SLIT3: variants seen among roughly 807,000 people sequenced by gnomAD.
SLIT3 encodes slit guidance ligand 3, also known as slit homolog 3 protein.
A neutral mutation model predicts 184.0 loss-of-function variants in SLIT3; 68 were observed. The observed-to-expected ratio is 0.37, with a 90% CI of 0.30 to 0.45. The LOEUF (loss-of-function observed/expected upper bound fraction) is 0.45, where lower values mean the gene tolerates loss of function less well. SLIT3 is among the 20% of genes least tolerant of loss of function. SLIT3 has a pLI of 1.00. For missense variants in SLIT3, 1,707 were observed against 2,026.0 expected, an observed-to-expected ratio of 0.84 and a Z score of 3.02; for synonymous variants, 831 against 828.6, an observed-to-expected ratio of 1.00 and a Z score of -0.05.
At chr5:169,062,940 G>A (rs920363069) in intron 4 of SLIT3, among the ~76,000 whole-genome samples, 2 of 152,220 alleles carry the variant, frequency 1.3e-5, no homozygotes, top group Non-Finnish European at 2.9e-5. Context: ...GTGTGTGCAA[G>A]TGTGTATAAA....
At chr5:169,225,357 C>T (rs975627995) in intron 3 of SLIT3, among the ~76,000 whole-genome samples, 8 of 152,352 alleles carry the variant, frequency 5.3e-5, no homozygotes, top group African/African-American at 1.7e-4. Context: ...AGGACAATGG[C>T]AGGGGCAACA....
At chr5:168,815,173 G>A (rs536653725) in intron 8 of SLIT3, among the ~76,000 whole-genome samples, 61 of 152,352 alleles carry the variant, frequency 4.0e-4, no homozygotes, top group African/African-American at 1.5e-3. Context: ...AACAGAAGTT[G>A]ATAAAGGTGC....
intron 18 of SLIT3, among the ~76,000 whole-genome samples, chr5:168,751,247 A>G (rs1489018423): frequency 6.6e-6 from 1 of 152,196 alleles, no homozygotes; most frequent in East Asian, 1.9e-4. Context: ...TTCCAAGTGC[A>G]GTAGGCATAG....
chr5:169,208,990 A>G (rs956189955), intron 3 of SLIT3, among the ~76,000 whole-genome samples: 2 of 152,244 alleles, frequency 1.3e-5, no homozygotes, highest in African/African-American at 4.8e-5. Context: ...CTGAAGAGCA[A>G]AAGAAACTAT....
At chr5:169,246,921 C>CAAAAAA (rs34365189) in intron 2 of SLIT3, among the ~76,000 whole-genome samples, 1 of 25,606 alleles carries the variant, frequency 3.9e-5, no homozygotes, top group Non-Finnish European at 6.7e-5. Flanking sequence ...GACTCTGTCT[C>CAAAAAA]AAAAAAAAAA....
At position 168,829,043 on chromosome 5, in the gene SLIT3, T is replaced by G. The variant is rs557877632; in HGVS notation, c.558-5712A>C. ...AGAGCTCCAACTTGGCTTCTGCCCC[T>G]GGCTTCCACTGTTCCCTTCTGAGTG... On this transcript the variant is annotated intron_variant, in intron 6 of 35. Transcript: ENST00000519560. 5.9e-5 allele frequency among the ~76,000 whole-genome samples: 9 copies of G among 152,278 alleles called. No homozygotes were observed. The East Asian group carries it at 9.7e-4, about 16-fold the overall frequency.
intron 4 of SLIT3, among the ~76,000 whole-genome samples, chr5:169,167,691 C>A (rs2113408989): frequency 6.6e-6 from 1 of 152,270 alleles, no homozygotes; most frequent in South Asian, 2.1e-4. Context: ...GGCTAATCTG[C>A]ACTGGTAAGG....
At chr5:169,050,793 G>C (rs900549831) in intron 4 of SLIT3, among the ~76,000 whole-genome samples, 1 of 151,992 alleles carries the variant, frequency 6.6e-6, no homozygotes, top group African/African-American at 2.4e-5. Flanking sequence ...ATGGAAAGAC[G>C]CCATAGGTAT....
chr5:168,982,632 A>T lies in SLIT3; in HGVS notation c.414-99296T>A, dbSNP rs372322125. Among the ~76,000 whole-genome samples, 7 of 152,338 alleles carry T rather than the reference A, an allele frequency of 4.6e-5. No individual in the cohort carries two copies. In the East Asian group the frequency reaches 7.7e-4, roughly 17 times the overall value. ...TAGGTTGCAGTCTTTTAAGAAAAAA[A>T]TCCATCTCCACACATAATTGGAGAA... On this transcript the variant is annotated intron_variant, in intron 4 of 35. Transcript: ENST00000519560.
rs1238406044 is a variant in SLIT3, at chr5:169,301,059, C to T, written c.-350G>A. On this transcript the variant is annotated 5_prime_UTR_variant, in exon 1 of 36. Transcript: ENST00000519560. ...GCGCCCGGGGAGGTCCGGCTTGGGG[C>T]TGGGCTGGGGAGCGCGGCGGCTGCG... is the stretch of plus-strand genomic sequence containing the variant. 6.5e-6 allele frequency: 1 copy of T among 153,404 alleles called. No individual in the cohort carries two copies. Among genetic ancestry groups the T allele is most frequent in the African/African-American group, 2.4e-5 (1 of 41,170 alleles). 9.5% of individuals were successfully genotyped at this position (153,404 alleles called of 1,614,324 possible).
Position 168,835,565 on chromosome 5 carries a change from T to C in SLIT3, c.557+9019A>G, listed in dbSNP as rs1214207435. ...GACTCATGCCTGTAATCCCAGCGCT[T>C]TGGGAGGCCGAGGTGGGCAGATCAC... is the stretch of plus-strand genomic sequence containing the variant. On this transcript the variant is annotated intron_variant, in intron 6 of 35. Transcript: ENST00000519560. 2.0e-5 allele frequency among the ~76,000 whole-genome samples: 3 copies of C among 152,030 alleles called. No individual in the cohort carries two copies. The East Asian group carries it at 5.8e-4, about 29-fold the overall frequency.
chr5:168,755,416 T>TTCTTTCTCTTTCTTTCTTA (rs1561913448), intron 16 of SLIT3, among the ~76,000 whole-genome samples: 1 of 26,732 alleles, frequency 3.7e-5, no homozygotes, highest in East Asian at 1.1e-3. Flanking sequence ...TTTCTTTCTT[T>TTCTTTCTCTTTCTTTCTTA]CTTTCTTTCT....
chr5:168,847,766 C>T lies in SLIT3; in HGVS notation c.486-3111G>A, dbSNP rs558652374. Among the ~76,000 whole-genome samples the T allele has an allele frequency of 2.6e-5, 4 of 152,250 alleles. No homozygotes were observed. In the East Asian group the frequency reaches 5.8e-4, roughly 22 times the overall value. On this transcript the variant is annotated intron_variant, in intron 5 of 35. Transcript: ENST00000519560. ...GTTACTAAACACACAGAGAACCTTC[C>T]GAAGCTGAGGCCAAAACATTCGATT... is the stretch of plus-strand genomic sequence containing the variant.
chr5:168,867,736 C>T (rs1222017406), intron 5 of SLIT3, among the ~76,000 whole-genome samples: 2 of 152,190 alleles, frequency 1.3e-5, no homozygotes, highest in Admixed American at 6.5e-5. Context: ...TTGATTGCCA[C>T]GATTAGAGTC....
intron 3 of SLIT3, among the ~76,000 whole-genome samples, chr5:169,224,882 C>G (rs1425958668): frequency 6.6e-6 from 1 of 152,062 alleles, no homozygotes; most frequent in African/African-American, 2.4e-5. Flanking sequence ...TGGGGTTTCA[C>G]CATATTGGCC....
chr5:168,985,034 C>A (rs140283596), intron 4 of SLIT3, among the ~76,000 whole-genome samples: 1 of 152,292 alleles, frequency 6.6e-6, no homozygotes, highest in African/African-American at 2.4e-5. Context: ...AGGGAGTCAT[C>A]TAAAATTTTC....
chr5:169,200,000 A>G (rs1763862424), intron 3 of SLIT3, among the ~76,000 whole-genome samples: 1 of 152,252 alleles, frequency 6.6e-6, no homozygotes. Context: ...TGATCCGGGA[A>G]GTCACACTGT....
intron 5 of SLIT3, among the ~76,000 whole-genome samples, chr5:168,849,143 T>C (rs1758586837): frequency 6.6e-6 from 1 of 152,222 alleles, no homozygotes; most frequent in African/African-American, 2.4e-5. Flanking sequence ...TCTTCAGAAA[T>C]AGGCTTTGGG....
intron 1 of SLIT3, among the ~76,000 whole-genome samples, chr5:169,273,284 G>A (rs1258484443): frequency 6.6e-6 from 1 of 152,196 alleles, no homozygotes; most frequent in Non-Finnish European, 1.5e-5. Flanking sequence ...CTCTGGCTTT[G>A]CCAAGTTTCT....
Sources: allele counts gnomAD v4.1 joint callset (sites outside exome capture counted in the v4.1 genomes callset), GRCh38; gene constraint gnomAD v4.1.1; transcripts MANE v1.5; gene names NCBI Gene and HGNC (gene_info 2026-07-23, HGNC 2026-07-21).